The following DISP2 variants were observed in gnomAD, a reference collection of about 807,000 sequenced individuals.
DISP2 encodes protein dispatched homolog 2.
In DISP2, 59 loss-of-function variants were observed where a neutral mutation model predicts 95.5. That is an observed-to-expected ratio of 0.62 (90% CI 0.50 to 0.77). The LOEUF is 0.77. Ranked by LOEUF, DISP2 falls within the 30% of genes least tolerant of loss-of-function variation. The pLI is 0.00. For synonymous variants in DISP2, 827 were observed against 815.0 expected, an observed-to-expected ratio of 1.01 and a Z score of -0.25; for missense variants, 1,752 against 1,854.6, an observed-to-expected ratio of 0.94 and a Z score of 1.02.
At position 40,370,767 on chromosome 15, in the gene DISP2, G is replaced by A. The variant is rs568808319; in HGVS notation, c.*449G>A. On this transcript the variant is annotated 3_prime_UTR_variant, in exon 8 of 8. Coordinates refer to ENST00000267889, the MANE Select transcript of DISP2 (RefSeq NM_033510.3). ...CGCAGCAATCTCCACAGCCTCCTGG[G>A]TCTCACCCCTTTCATGGGCTCTTCA... 9 of 412,396 alleles carry A rather than the reference G, an allele frequency of 2.2e-5. No individual in the cohort carries two copies. The highest frequency in any genetic ancestry group is 1.5e-4 in the South Asian group (9 of 59,104). 25.5% of individuals were successfully genotyped at this position (412,396 alleles called of 1,614,324 possible). A position where few individuals can be genotyped will look rare whatever the true frequency, so the allele number is the denominator to read the frequency against.
rs939282505 is a variant in DISP2 at position 40,367,404 on chromosome 15, C to T, written c.1292C>T (p.Pro431Leu). ...LSPQTTDYQV[P>L]SLKYSLLFLP... ...CCCCAGACCACTGACTACCAGGTGCCTTCCCTCAAGTACAGCCTGCTCTTC... is the reference window on the plus strand; with the variant it reads ...CCCCAGACCACTGACTACCAGGTGCTTTCCCTCAAGTACAGCCTGCTCTTC... Residue 431 changes from proline (P) to leucine (L), a missense_variant, in exon 8 of 8, where the codon CCT becomes CTT. Physicochemically the swap from Pro to Leu is moderately conservative, Grantham distance 98 (BLOSUM62 -3). Around this residue, in one of 5 missense-constraint regions of DISP2, gnomAD observed 732 missense variants for 714.6 expected, o/e 1.02. Transcript: ENST00000267889. The T allele has an allele frequency of 6.2e-6, 10 of 1,613,434 alleles. No homozygotes were observed. Among genetic ancestry groups the T allele is most frequent in the Non-Finnish European group, 8.5e-6 (10 of 1,179,946 alleles).
At chr15:40,359,005 G>C (rs1015957276) in intron 1 of DISP2, among the ~76,000 whole-genome samples, 2 of 152,208 alleles carry the variant, frequency 1.3e-5, no homozygotes, top group African/African-American at 4.8e-5. Context: ...ACACTGGCTG[G>C]AGCCGCTAAG....
chr15:40,358,364 G>C lies in DISP2; in HGVS notation c.43G>C (p.Ala15Pro), dbSNP rs1032606830. Residue 15 changes from alanine (A) to proline (P), a missense_variant, in exon 1 of 8, where the codon GCT becomes CCT. Coordinates refer to ENST00000267889, the MANE Select transcript of DISP2 (RefSeq NM_033510.3). The part of the protein sequence containing the change: ...SSSSSGGSGP[A>P]PGPGPEGEQR... ...CAGCAGCAGCGGCGGCAGCGGTCCG[G>C]CTCCCGGCCCGGGTCCGGAAGGGGA... 1.4e-6 allele frequency: 2 copies of C among 1,381,224 alleles called. No homozygotes were observed. Among genetic ancestry groups the C allele is most frequent in the African/African-American group, 3.0e-5 (2 of 66,540 alleles). 85.6% of individuals were successfully genotyped at this position (1,381,224 alleles called of 1,614,324 possible).
rs1315865467 is a variant in DISP2, at chr15:40,377,911, C to A, written c.*7593C>A. The A allele has an allele frequency of 6.6e-6, 1 of 152,278 alleles. No homozygotes were observed. The highest frequency in any genetic ancestry group is 1.5e-5 in the Non-Finnish European group (1 of 68,048). 9.4% of individuals were successfully genotyped at this position (152,278 alleles called of 1,614,324 possible). A position where few individuals can be genotyped will look rare whatever the true frequency, so the allele number is the denominator to read the frequency against. ...CAGAGGTCTCAGAAGGGCCTTGCCT[C>A]GTAGTGGGGATTCATTAGCCCTAGT... On this transcript the variant is annotated 3_prime_UTR_variant, in exon 8 of 8. Coordinates refer to ENST00000267889, the MANE Select transcript of DISP2 (RefSeq NM_033510.3).
intron 1 of DISP2, among the ~76,000 whole-genome samples, chr15:40,361,361 C>T (rs1889402783): frequency 6.6e-6 from 1 of 152,182 alleles, no homozygotes; most frequent in South Asian, 2.1e-4. Flanking sequence ...AGTATATGCT[C>T]CCTGCTGCAC....
Position 40,375,959 on chromosome 15 carries a change from T to TA in DISP2, c.*5647dup, listed in dbSNP as rs1889726935. ...TACTCTGGCTCCTTGCTCTGCGCTG[T>TA]AAAAAACAAATAAAAGGGCCACTTG... is the stretch of plus-strand genomic sequence containing the variant. On this transcript the variant is annotated 3_prime_UTR_variant, in exon 8 of 8. Transcript: ENST00000267889. 6.6e-6 allele frequency: 1 copy of TA among 152,218 alleles called. No individual in the cohort carries two copies. Among genetic ancestry groups the TA allele is most frequent in the East Asian group, 1.9e-4 (1 of 5,184 alleles). 9.4% of individuals were successfully genotyped at this position (152,218 alleles called of 1,614,324 possible).
In DISP2 at chr15:40,368,288, C is replaced by A. The variant is rs527560270; in HGVS notation, c.2176C>A (p.Arg726Ser). ...GGAYIAGVSPRLRLPTLPPPG... is the reference protein window; with the variant it reads ...GGAYIAGVSPSLRLPTLPPPG... Reference sequence around the variant, plus strand: ...CGCCTACATCGCCGGAGTCAGCCCCCGCCTGCGGCTGCCCACGCTGCCGCC... The same window carrying A: ...CGCCTACATCGCCGGAGTCAGCCCCAGCCTGCGGCTGCCCACGCTGCCGCC... Residue 726 changes from arginine to serine, a missense_variant, in exon 8 of 8, where the codon CGC becomes AGC. Physicochemically the swap from Arg to Ser is moderately radical, Grantham distance 110 (BLOSUM62 -1). Coordinates refer to ENST00000267889, the MANE Select transcript of DISP2 (RefSeq NM_033510.3). 1 of 1,606,910 alleles carries A rather than the reference C, an allele frequency of 6.2e-7. No homozygotes were observed. Among genetic ancestry groups the A allele is most frequent in the Non-Finnish European group, 8.5e-7 (1 of 1,177,548 alleles).
At position 40,358,385 on chromosome 15, in the gene DISP2, G is replaced by A; in HGVS notation, c.64G>A (p.Gly22Arg). 2.9e-6 allele frequency: 4 copies of A among 1,358,106 alleles called. No individual in the cohort carries two copies. The highest frequency in any genetic ancestry group is 3.5e-5 in the South Asian group (2 of 56,838). The allele number at this position is 1,358,106 out of a possible 1,614,324, so 84.1% of individuals were successfully genotyped here. The change falls in exon 1 of 8, where the codon GGG becomes AGG. Residue 22 changes from glycine (G) to arginine (R), a missense_variant. Around this residue, in one of 5 missense-constraint regions of DISP2, gnomAD observed 342 missense variants for 364.3 expected, o/e 0.94. Transcript: ENST00000267889. ...TCCGGCTCCCGGCCCGGGTCCGGAA[G>A]GGGAGCAACGGCCCGAGGGGGAGCC... ...SGPAPGPGPE[G>R]EQRPEGEPLA...
At position 40,368,800 on chromosome 15, in the gene DISP2, C is replaced by A; in HGVS notation, c.2688C>A (p.Ala896=). ...GTQDLGLRFD[A]HGSLAALVLQ... Reference sequence around the variant, plus strand: ...AGGACCTGGGACTCCGCTTTGATGCCCATGGCAGCCTGGCCGCCCTGGTCC... The same window carrying A: ...AGGACCTGGGACTCCGCTTTGATGCACATGGCAGCCTGGCCGCCCTGGTCC... The change falls in exon 8 of 8, where the codon GCC becomes GCA. Residue 896 remains alanine, a synonymous_variant. Transcript: ENST00000267889. 1 of 1,613,934 alleles carries A rather than the reference C, an allele frequency of 6.2e-7. No individual in the cohort carries two copies. The highest frequency in any genetic ancestry group is 8.5e-7 in the Non-Finnish European group (1 of 1,180,042).
rs1340523577 is a variant in DISP2 at position 40,365,731 on chromosome 15, C to T, written c.945+6C>T. On this transcript the variant is annotated splice_donor_region_variant and intron_variant, in intron 7 of 7. Transcript: ENST00000267889. ...GTCGCATGGAACAGGACCAGGTGAG[C>T]TGGTGGGGGAGGTGCCAGGGGTTTG... 6 of 1,613,378 alleles carry T rather than the reference C, an allele frequency of 3.7e-6. No homozygotes were observed. The African/African-American group carries it at 8.0e-5, about 22-fold the overall frequency.
chr15:40,361,582 C>T (rs542613138), intron 1 of DISP2, among the ~76,000 whole-genome samples: 124 of 152,332 alleles, frequency 8.1e-4, no homozygotes, highest in African/African-American at 2.7e-3. Flanking sequence ...GTCAGAAGCC[C>T]ACCTCCACTG....
At position 40,370,564 on chromosome 15, in the gene DISP2, TC is replaced by T. The variant is rs534987496; in HGVS notation, c.*247del. 1.3e-4 allele frequency: 94 copies of T among 723,808 alleles called. 1 individual carries two copies. The East Asian group carries it at 2.6e-3, about 20-fold the overall frequency. The allele number at this position is 723,808 out of a possible 1,614,324, so 44.8% of individuals were successfully genotyped here. A position where few individuals can be genotyped will look rare whatever the true frequency, so the allele number is the denominator to read the frequency against. ...CTGCTTGCGACCTGCTGAGGGCTTG[TC>T]TGCTCCCACAGCACCATCTAAGACC... On this transcript the variant is annotated 3_prime_UTR_variant, in exon 8 of 8. Coordinates refer to ENST00000267889, the MANE Select transcript of DISP2 (RefSeq NM_033510.3).
At position 40,367,799 on chromosome 15, in the gene DISP2, T is replaced by C. The variant is rs967987535; in HGVS notation, c.1687T>C (p.Phe563Leu). 1 of 1,606,838 alleles carries C rather than the reference T, an allele frequency of 6.2e-7. No individual in the cohort carries two copies. The highest frequency in any genetic ancestry group is 8.5e-7 in the Non-Finnish European group (1 of 1,179,990). ...SVCANHTLIFFDLWRLSKSQL... is the reference protein window; with the variant it reads ...SVCANHTLIFLDLWRLSKSQL... ...CTGCGCCAACCACACGCTCATCTTC[T>C]TCGACCTGTGGCGCCTTAGCAAGAG... The change falls in exon 8 of 8, where the codon TTC (phenylalanine) becomes CTC (leucine). Residue 563 changes from phenylalanine (F) to leucine (L), a missense_variant. By Grantham distance (22) the Phe-to-Leu change is conservative (BLOSUM62 0). Transcript: ENST00000267889.
In DISP2 at chr15:40,374,010, A is replaced by AT. The variant is rs1555400590; in HGVS notation, c.*3692_*3693insT. On this transcript the variant is annotated 3_prime_UTR_variant, in exon 8 of 8. Transcript: ENST00000267889. The stretch of plus-strand genomic sequence containing the variant: ...CAGAGCGAGACTCCATCTTAAAAAA[A>AT]AAAAATATATATATATATATATGTA... 15 of 93,744 alleles carry AT rather than the reference A, an allele frequency of 1.6e-4. No homozygotes were observed. The highest frequency in any genetic ancestry group is 4.8e-4 in the African/African-American group (9 of 18,676). 5.8% of individuals were successfully genotyped at this position (93,744 alleles called of 1,614,324 possible).
In DISP2 at chr15:40,369,639, T is replaced by G; in HGVS notation, c.3527T>G (p.Phe1176Cys). The change falls in exon 8 of 8, where the codon TTT becomes TGT. Residue 1176 changes from phenylalanine to cysteine, a missense_variant. Phe to Cys is a radical substitution (Grantham distance 205, BLOSUM62 -2). Coordinates refer to ENST00000267889, the MANE Select transcript of DISP2 (RefSeq NM_033510.3). ...CTGGCACGGCGTCGGAGCCCCAGCT[T>G]TGACACCAGCACAGCCACCAGCAAG... is the stretch of plus-strand genomic sequence containing the variant. Reference protein sequence around the residue: ...QPLARRRSPSFDTSTATSKLS... With the variant: ...QPLARRRSPSCDTSTATSKLS... The G allele has an allele frequency of 6.2e-7, 1 of 1,611,910 alleles. No individual in the cohort carries two copies. The highest frequency in any genetic ancestry group is 8.5e-7 in the Non-Finnish European group (1 of 1,179,950).
At chr15:40,358,538 C>A in intron 1 of DISP2, 98 bp downstream of exon 1, 1 of 919,532 alleles carries the variant, frequency 1.1e-6, no homozygotes, top group Non-Finnish European at 1.4e-6. Context: ...CCCATTCATT[C>A]CCCAGACCCT....
At position 40,369,732 on chromosome 15, in the gene DISP2, C is replaced by T; in HGVS notation, c.3620C>T (p.Pro1207Leu). The T allele has an allele frequency of 6.2e-7, 1 of 1,609,884 alleles. No homozygotes were observed. The highest frequency in any genetic ancestry group is 8.5e-7 in the Non-Finnish European group (1 of 1,179,510). ...QLHDGPCCSR[P>L]PPAPASPREL... The stretch of plus-strand genomic sequence containing the variant: ...CATGATGGTCCGTGCTGTTCCCGGC[C>T]CCCACCAGCCCCTGCCTCCCCAAGG... Residue 1207 changes from proline to leucine, a missense_variant, in exon 8 of 8, where the codon CCC becomes CTC. Coordinates refer to ENST00000267889, the MANE Select transcript of DISP2 (RefSeq NM_033510.3).
At position 40,372,051 on chromosome 15, in the gene DISP2, G is replaced by A. The variant is rs1381615667; in HGVS notation, c.*1733G>A. 1 of 152,160 alleles carries A rather than the reference G, an allele frequency of 6.6e-6. No individual in the cohort carries two copies. The highest frequency in any genetic ancestry group is 1.5e-5 in the Non-Finnish European group (1 of 68,018). 9.4% of individuals were successfully genotyped at this position (152,160 alleles called of 1,614,324 possible). A position where few individuals can be genotyped will look rare whatever the true frequency, so the allele number is the denominator to read the frequency against. On this transcript the variant is annotated 3_prime_UTR_variant, in exon 8 of 8. Transcript: ENST00000267889. ...GCCTTGGCGATCGTTTATTCCAGCA[G>A]TTTTCAAATTTTGTAGCCTCAGGAC...
In DISP2 at chr15:40,369,120, C is replaced by G. The variant is rs1889581045; in HGVS notation, c.3008C>G (p.Thr1003Ser). 1 of 1,613,804 alleles carries G rather than the reference C, an allele frequency of 6.2e-7. No homozygotes were observed. Among genetic ancestry groups the G allele is most frequent in the Non-Finnish European group, 8.5e-7 (1 of 1,180,050 alleles). ...GCTGTGGCAGGCACCGTGCTGCTCACTGTAGGACTCCTGGTTCTCCTCGAG... is the reference window on the plus strand; with the variant it reads ...GCTGTGGCAGGCACCGTGCTGCTCAGTGTAGGACTCCTGGTTCTCCTCGAG... ...VAAVAGTVLL[T>S]VGLLVLLEWQ... The change falls in exon 8 of 8, where the codon ACT (threonine) becomes AGT (serine). Residue 1003 changes from threonine (T) to serine (S), a missense_variant. Around this residue, in one of 5 missense-constraint regions of DISP2, gnomAD observed 317 missense variants for 394.9 expected, o/e 0.80. Coordinates refer to ENST00000267889, the MANE Select transcript of DISP2 (RefSeq NM_033510.3).
Sources: gnomAD v4.1 joint callset for allele counts (sites outside exome capture counted in the v4.1 genomes callset) on GRCh38, gnomAD v4.1.1 for gene constraint, gnomAD v4.1.1 regional missense constraint, MANE v1.5 for transcripts, NCBI Gene and HGNC (gene_info 2026-07-23, HGNC 2026-07-21) for gene names.